ATP2A1: variants seen among roughly 807,000 people sequenced by gnomAD.
ATP2A1 encodes ATPase sarcoplasmic/endoplasmic reticulum Ca2+ transporting 1.
ATP2A1 carries 83 observed loss-of-function variants against 109.5 expected under a neutral mutation model. That is an observed-to-expected ratio of 0.76 (90% confidence interval 0.63 to 0.91). ATP2A1 has a LOEUF of 0.91. Ranked by LOEUF, ATP2A1 falls within the 40% of genes least tolerant of loss-of-function variation. The pLI is 0.00. For missense variants in ATP2A1, 1,101 were observed against 1,341.0 expected (o/e 0.82, Z 2.80); for synonymous variants, 505 against 537.6 (o/e 0.94, Z 0.84).
In ATP2A1 at chr16:28,879,039, G is replaced by GT. The variant is rs1399995900; in HGVS notation, c.119-59dup. On this transcript the variant is annotated intron_variant, in intron 1 of 22. Transcript: ENST00000395503. ...TTCTCTTAGCCACAAAGTCTTGGGT[G>GT]TGGGGGGCATGAGGCTGAACCCCAA... 3 of 1,609,390 alleles carry GT rather than the reference G, an allele frequency of 1.9e-6. No homozygotes were observed. The African/African-American group carries it at 4.0e-5, about 22-fold the overall frequency.
In ATP2A1 at chr16:28,903,340, G is replaced by A. The variant is rs1596689252; in HGVS notation, c.2880G>A (p.Arg960=). Reference sequence around the variant, plus strand: ...TGCCCCAGATGATCTTCAAGCTCCGGGCCCTGGACCTCACCCAGTGGCTCA... The same window carrying A: ...TGCCCCAGATGATCTTCAAGCTCCGAGCCCTGGACCTCACCCAGTGGCTCA... ...VDPLPMIFKL[R]ALDLTQWLMV... is the part of the protein sequence containing the mutation. The change falls in exon 21 of 23, where the codon CGG becomes CGA. Residue 960 remains arginine, a synonymous_variant. Coordinates refer to ENST00000395503, the MANE Select transcript of ATP2A1 (RefSeq NM_004320.6). The surrounding 1 kb of genome is among the most constrained non-coding windows in gnomAD (Gnocchi z 5.6). 1 of 1,613,892 alleles carries A rather than the reference G, an allele frequency of 6.2e-7. No individual in the cohort carries two copies. Among genetic ancestry groups the A allele is most frequent in the Non-Finnish European group, 8.5e-7 (1 of 1,179,910 alleles).
At position 28,883,037 on chromosome 16, in the gene ATP2A1, G is replaced by A. The variant is rs560290177; in HGVS notation, c.463+448G>A. 2.6e-5 allele frequency among the ~76,000 whole-genome samples: 4 copies of A among 152,174 alleles called. No individual in the cohort carries two copies. Among genetic ancestry groups the A allele is most frequent in the African/African-American group, 4.8e-5 (2 of 41,436 alleles). On this transcript the variant is annotated intron_variant, in intron 5 of 22. Transcript: ENST00000395503. The surrounding 1 kb of genome is among the most constrained non-coding windows in gnomAD (Gnocchi z 5.2). ...AAGGGAGGAGGGAGGCCGAAGGCTCGAGCCCCCGACCATGTAAGGGAAACT... is the reference window on the plus strand; with the variant it reads ...AAGGGAGGAGGGAGGCCGAAGGCTCAAGCCCCCGACCATGTAAGGGAAACT...
At position 28,888,462 on chromosome 16, in the gene ATP2A1, G is replaced by A. The variant is rs1963681262; in HGVS notation, c.929-325G>A. Reference sequence around the variant, plus strand: ...TCACTCTTGTTGCCCAGGCTGGAGTGTGGTAGCACAATCATAACTCACTGT... The same window carrying A: ...TCACTCTTGTTGCCCAGGCTGGAGTATGGTAGCACAATCATAACTCACTGT... On this transcript the variant is annotated intron_variant, in intron 8 of 22. Coordinates refer to ENST00000395503, the MANE Select transcript of ATP2A1 (RefSeq NM_004320.6). 2.6e-5 allele frequency among the ~76,000 whole-genome samples: 4 copies of A among 152,268 alleles called. No homozygotes were observed. In the South Asian group the frequency reaches 8.3e-4, roughly 32 times the overall value.
Position 28,880,317 on chromosome 16 carries a change from C to T in ATP2A1, c.220-598C>T, listed in dbSNP as rs976734716. ...TGGAGGCAACGAAAGCCTCCCTGTG[C>T]CTTGGTCTCCGAACGCAGGCCCCGT... On this transcript the variant is annotated intron_variant, in intron 3 of 22. Transcript: ENST00000395503. This position sits in a 1 kb window ranked among gnomAD's most constrained non-coding sequence, Gnocchi z 4.2. 4.6e-5 allele frequency among the ~76,000 whole-genome samples: 7 copies of T among 152,348 alleles called. No homozygotes were observed. Among genetic ancestry groups the T allele is most frequent in the Middle Eastern group, 3.4e-3 (1 of 294 alleles).
Position 28,898,202 on chromosome 16 carries a change from G to T in ATP2A1, c.1546-31G>T, listed in dbSNP as rs750665476. 4 of 1,613,996 alleles carry T rather than the reference G, an allele frequency of 2.5e-6. No individual in the cohort carries two copies. Among genetic ancestry groups the T allele is most frequent in the Non-Finnish European group, 2.5e-6 (3 of 1,179,970 alleles). On this transcript the variant is annotated intron_variant, in intron 13 of 22. Coordinates refer to ENST00000395503, the MANE Select transcript of ATP2A1 (RefSeq NM_004320.6). The surrounding 1 kb of genome is among the most constrained non-coding windows in gnomAD (Gnocchi z 4.0). ...CTGTCACTGCCCTGGAAGGAAAGTG[G>T]TGGTCTCTGAATGCTGTTCTGGTCT... is the stretch of plus-strand genomic sequence containing the variant.
rs983965676 is a variant in ATP2A1, at chr16:28,880,543, C to T, written c.220-372C>T. Among the ~76,000 whole-genome samples, 1 of 151,364 alleles carries T rather than the reference C, an allele frequency of 6.6e-6. No individual in the cohort carries two copies. The highest frequency in any genetic ancestry group is 1.5e-5 in the Non-Finnish European group (1 of 67,370). The stretch of plus-strand genomic sequence containing the variant: ...GGGAGGGCTGCGGGGGCCAGACCGC[C>T]TGCGAAGACCACAGGGTTTTTCCTC... On this transcript the variant is annotated intron_variant, in intron 3 of 22. Coordinates refer to ENST00000395503, the MANE Select transcript of ATP2A1 (RefSeq NM_004320.6). The surrounding 1 kb of genome is among the most constrained non-coding windows in gnomAD (Gnocchi z 4.2).
chr16:28,879,947 G>A (rs1464319685), intron 3 of ATP2A1: 10 of 989,680 alleles, frequency 1.0e-5, no homozygotes, highest in Non-Finnish European at 1.2e-5. Context: ...GCGCCGGGCG[G>A]ACGGCCGCTC....
At position 28,902,318 on chromosome 16, in the gene ATP2A1, G is replaced by GC. The variant is rs751365374; in HGVS notation, c.2464dup (p.Arg822ProfsTer39). ...CCACCAGACCTGGACATCATGGACC[G>GC]CCCCCCCCGGAGCCCCAAGGAGCCC... is the stretch of plus-strand genomic sequence containing the variant. On this transcript the variant is annotated frameshift_variant, in exon 17 of 23. Transcript: ENST00000395503. LOFTEE classifies it high-confidence loss of function. The surrounding 1 kb of genome is among the most constrained non-coding windows in gnomAD (Gnocchi z 4.8). 390 of 1,612,038 alleles carry GC rather than the reference G, an allele frequency of 2.4e-4. No homozygotes were observed. The highest frequency in any genetic ancestry group is 2.7e-4 in the African/African-American group (20 of 74,718).
At position 28,882,100 on chromosome 16, in the gene ATP2A1, CTTTTTTTTTTT is replaced by C. The variant is rs778416146; in HGVS notation, c.325-335_325-325del. Among the ~76,000 whole-genome samples the C allele has an allele frequency of 3.5e-3, 319 of 90,382 alleles. 3 individuals carry two copies. Among genetic ancestry groups the C allele is most frequent in the African/African-American group, 0.018 (297 of 16,206 alleles). 59.3% of individuals were successfully genotyped at this position (90,382 alleles called of 152,430 possible). A position where few individuals can be genotyped will look rare whatever the true frequency, so the allele number is the denominator to read the frequency against. On this transcript the variant is annotated intron_variant, in intron 4 of 22. Coordinates refer to ENST00000395503, the MANE Select transcript of ATP2A1 (RefSeq NM_004320.6). Reference sequence around the variant, plus strand: ...TACAGGCGCGTGCTACTACGCCCGGCTTTTTTTTTTTTTTTTTTTTTTTTTTGTACTTTTCG... The same window carrying C: ...TACAGGCGCGTGCTACTACGCCCGGCTTTTTTTTTTTTTTTGTACTTTTCG...
intron 14 of ATP2A1, among the ~76,000 whole-genome samples, chr16:28,899,920 T>C (rs1221317020): frequency 6.8e-6 from 1 of 148,030 alleles, no homozygotes; most frequent in African/African-American, 2.5e-5. Flanking sequence ...GATCATGCCA[T>C]TGCCACTGCA....
At chr16:28,884,766 A>C in intron 6 of ATP2A1, 111 bp downstream of exon 6, 1 of 1,079,182 alleles carries the variant, frequency 9.3e-7, no homozygotes, top group Non-Finnish European at 1.3e-6. Flanking sequence ...AGCAACATAA[A>C]GAGACCCTGT....
chr16:28,894,557 C>A lies in ATP2A1; in HGVS notation c.1237C>A (p.Leu413Met). The change falls in exon 11 of 23, where the codon CTG (leucine) becomes ATG (methionine). Residue 413 changes from leucine to methionine, a missense_variant. Leu to Met is a conservative substitution (Grantham distance 15). Transcript: ENST00000395503. ...AGGGCAGTATGACGGGCTGGTGGAG[C>A]TGGCCACCATCTGTGCCCTCTGCAA... ...RPGQYDGLVE[L>M]ATICALCNDS... is the part of the protein sequence containing the mutation. 1 of 1,614,140 alleles carries A rather than the reference C, an allele frequency of 6.2e-7. No individual in the cohort carries two copies. The highest frequency in any genetic ancestry group is 1.3e-5 in the African/African-American group (1 of 75,040).
chr16:28,893,655 GTTTTTTTT>G (rs11304796), intron 9 of ATP2A1, among the ~76,000 whole-genome samples: 32 of 111,988 alleles, frequency 2.9e-4, no homozygotes, highest in Admixed American at 1.7e-3. Context: ...GTTTTTTTTT[GTTTTTTTT>G]TTTTTTTTTG....
chr16:28,878,667 G>A lies in ATP2A1; in HGVS notation c.-5G>A. On this transcript the variant is annotated 5_prime_UTR_variant, in exon 1 of 23. Transcript: ENST00000395503. Reference sequence around the variant, plus strand: ...ACCGGCCCCGGCCCCCAGGAAGGGAGCACAATGGAGGCCGCTCATGCTAAA... The same window carrying A: ...ACCGGCCCCGGCCCCCAGGAAGGGAACACAATGGAGGCCGCTCATGCTAAA... 3 of 1,593,054 alleles carry A rather than the reference G, an allele frequency of 1.9e-6. No individual in the cohort carries two copies. The highest frequency in any genetic ancestry group is 1.7e-6 in the Non-Finnish European group (2 of 1,168,768).
rs1327239396 is a variant in ATP2A1, at chr16:28,902,385, G to A, written c.2523G>A (p.Gly841=). The A allele has an allele frequency of 1.2e-6, 2 of 1,613,800 alleles. No homozygotes were observed. The highest frequency in any genetic ancestry group is 1.3e-5 in the African/African-American group (1 of 74,894). The change falls in exon 17 of 23, where the codon GGG becomes GGA. Residue 841 remains glycine (G), a splice_region_variant and synonymous_variant. Coordinates refer to ENST00000395503, the MANE Select transcript of ATP2A1 (RefSeq NM_004320.6). This position sits in a 1 kb window ranked among gnomAD's most constrained non-coding sequence, Gnocchi z 4.8. The part of the protein sequence containing the change: ...GWLFFRYMAI[G]GYVGAATVGA... The stretch of plus-strand genomic sequence containing the variant: ...TCTTCTTCCGCTACATGGCAATCGG[G>A]GGTGAGCTGGAGGGGTTCCTCGATC...
At chr16:28,887,130 G>A (rs1963635595) in intron 6 of ATP2A1, 59 bp from the exon 7 acceptor site, 14 of 1,558,420 alleles carry the variant, frequency 9.0e-6, no homozygotes, top group South Asian at 8.9e-5. Flanking sequence ...AGTTAGGCAC[G>A]GGAAGCCTGG....
At chr16:28,892,347 G>A (rs1258271885) in intron 9 of ATP2A1, 2 of 399,788 alleles carry the variant, frequency 5.0e-6, no homozygotes, top group African/African-American at 4.2e-5. Flanking sequence ...AAGAACCCCT[G>A]CCCTTCACAG....
chr16:28,884,677 G>C, intron 6 of ATP2A1, 22 bp downstream of exon 6: 2 of 1,597,278 alleles, frequency 1.3e-6, no homozygotes, highest in Admixed American at 3.3e-5. Context: ...TGGGTGGGAA[G>C]ATGCATGGGG....
Position 28,881,801 on chromosome 16 carries a change from C to CAAA in ATP2A1, c.325-638_325-636dup, listed in dbSNP as rs200479576. On this transcript the variant is annotated intron_variant, in intron 4 of 22. Transcript: ENST00000395503. Reference sequence around the variant, plus strand: ...TGGGCAACAGAGTGAGACCCAGTCTCAAAAAAAAAAAAAAGAGAGAAATAG... The same window carrying CAAA: ...TGGGCAACAGAGTGAGACCCAGTCTCAAAAAAAAAAAAAAAAAGAGAGAAATAG... Among the ~76,000 whole-genome samples, 54 of 129,804 alleles carry CAAA rather than the reference C, an allele frequency of 4.2e-4. 1 individual carries two copies. The South Asian group carries it at 0.012, about 29-fold the overall frequency. The allele number at this position is 129,804 out of a possible 152,430, so 85.2% of individuals were successfully genotyped here.
Sources: gnomAD v4.1 joint callset for allele counts (sites outside exome capture counted in the v4.1 genomes callset) on GRCh38, gnomAD v4.1.1 for gene constraint, Gnocchi (gnomAD v3.1) non-coding constraint, MANE v1.5 for transcripts, NCBI Gene and HGNC (gene_info 2026-07-23, HGNC 2026-07-21) for gene names.